The following GRN variants were observed in gnomAD, a reference collection of about 807,000 sequenced individuals.
GRN encodes the protein granulin precursor.
A neutral mutation model predicts 66.7 loss-of-function variants in GRN; 30 were observed. That is an observed-to-expected ratio of 0.45 (90% confidence interval 0.34 to 0.61). The LOEUF is 0.61. GRN is among the 20% of genes least tolerant of loss of function. GRN has a pLI of 0.01. For missense variants in GRN, 731 were observed against 803.5 expected (o/e 0.91, Z 1.09); for synonymous variants, 327 against 311.1 (o/e 1.05, Z -0.54).
intron 6 of GRN, 38 bp downstream of exon 6, chr17:44,350,615 C>A: frequency 6.2e-7 from 1 of 1,612,214 alleles, no homozygotes; most frequent in Non-Finnish European, 8.5e-7. Flanking sequence ...GGGGCTGGGG[C>A]GGGGCCTCAT....
At chr17:44,351,320 C>T in intron 8 of GRN, 43 bp from the exon 9 acceptor site, 1 of 1,544,610 alleles carries the variant, frequency 6.5e-7, no homozygotes, top group Non-Finnish European at 9.0e-7. Flanking sequence ...CCCTGAGGGT[C>T]CCCAGTGCCA....
chr17:44,350,829 T>C (rs1314025465), intron 7 of GRN, 29 bp downstream of exon 7: 3 of 1,558,076 alleles, frequency 1.9e-6, no homozygotes, highest in African/African-American at 1.4e-5. Flanking sequence ...CCAGCTTGGC[T>C]GTGTGCCCCC....
Position 44,351,348 on chromosome 17 carries a change from C to T in GRN, c.836-15C>T, listed in dbSNP as rs1203102118. The T allele has an allele frequency of 6.2e-7, 1 of 1,601,918 alleles. No homozygotes were observed. On this transcript the variant is annotated splice_polypyrimidine_tract_variant and intron_variant, in intron 8 of 12. Transcript: ENST00000053867. ...CAGTGCCACTTCTGACCTGTCCTCT[C>T]TGCTTCCCTCACAGTGGGGGATGTG...
At position 44,352,501 on chromosome 17, in the gene GRN, A is replaced by G; in HGVS notation, c.1574A>G (p.His525Arg). 1 of 1,613,090 alleles carries G rather than the reference A, an allele frequency of 6.2e-7. No homozygotes were observed. The highest frequency in any genetic ancestry group is 8.5e-7 in the Non-Finnish European group (1 of 1,179,748). The change falls in exon 12 of 13, where the codon CAC (histidine) becomes CGC (arginine). Residue 525 changes from histidine (H) to arginine (R), a missense_variant. By Grantham distance (29) the His-to-Arg change is conservative. Around this residue, in one of 3 missense-constraint regions of GRN, gnomAD observed 319 missense variants for 347.2 expected, o/e 0.92. Transcript: ENST00000053867. ...GVKDVECGEG[H>R]FCHDNQTCCR... ...AAGGACGTGGAGTGTGGGGAAGGAC[A>G]CTTCTGCCATGATAACCAGACCTGC...
In GRN at chr17:44,352,819, G is replaced by C; in HGVS notation, c.*21G>C. The C allele has an allele frequency of 6.2e-7, 1 of 1,608,406 alleles. No homozygotes were observed. Among genetic ancestry groups the C allele is most frequent in the East Asian group, 2.2e-5 (1 of 44,880 alleles). On this transcript the variant is annotated 3_prime_UTR_variant, in exon 13 of 13. Transcript: ENST00000053867. ...TGTGAGGGACAGTACTGAAGACTCT[G>C]CAGCCCTCGGGACCCCACTCGGAGG...
chr17:44,352,415 GA>G lies in GRN; in HGVS notation c.1490del (p.Lys497ArgfsTer20). 6.2e-7 allele frequency: 1 copy of G among 1,614,074 alleles called. No homozygotes were observed. The highest frequency in any genetic ancestry group is 8.5e-7 in the Non-Finnish European group (1 of 1,180,016). On this transcript the variant is annotated frameshift_variant, in exon 12 of 13. Transcript: ENST00000053867. LOFTEE classifies it high-confidence loss of function. ...TCNVKARSCE[K>X]EVVSAQPATF... ...GCAACGTGAAGGCTCGATCCTGCGA[GA>G]AGGAAGTGGTCTCTGCCCAGCCTGC...
rs765761482 is a variant in GRN at position 44,351,801 on chromosome 17, T to C, written c.1179+6T>C. 9 of 1,612,552 alleles carry C rather than the reference T, an allele frequency of 5.6e-6. No individual in the cohort carries two copies. Among genetic ancestry groups the C allele is most frequent in the African/African-American group, 1.3e-5 (1 of 75,008 alleles). Reference sequence around the variant, plus strand: ...GCTGCTGTCCAATCCCAGAGGTATATGGGAGGGGACAGCATCTTGGCCTGG... The same window carrying C: ...GCTGCTGTCCAATCCCAGAGGTATACGGGAGGGGACAGCATCTTGGCCTGG... On this transcript the variant is annotated splice_donor_region_variant and intron_variant, in intron 10 of 12. Coordinates refer to ENST00000053867, the MANE Select transcript of GRN (RefSeq NM_002087.4).
rs756396367 is a variant in GRN at position 44,351,546 on chromosome 17, C to T, written c.934-4C>T. ...GCCCACCTGCCCTTCTTCATCTGCC[C>T]TAGGCTGTGTGCTGTGAGGACCACA... is the stretch of plus-strand genomic sequence containing the variant. On this transcript the variant is annotated splice_polypyrimidine_tract_variant and splice_region_variant and intron_variant, in intron 9 of 12. Coordinates refer to ENST00000053867, the MANE Select transcript of GRN (RefSeq NM_002087.4). 1.9e-6 allele frequency: 3 copies of T among 1,614,050 alleles called. No homozygotes were observed. The highest frequency in any genetic ancestry group is 2.5e-6 in the Non-Finnish European group (3 of 1,179,996).
chr17:44,350,509 G>A lies in GRN; in HGVS notation c.530G>A (p.Arg177His), dbSNP rs753441122. 26 of 1,613,714 alleles carry A rather than the reference G, an allele frequency of 1.6e-5. No homozygotes were observed. The highest frequency in any genetic ancestry group is 8.9e-5 in the East Asian group (4 of 44,886). Reference sequence around the variant, plus strand: ...GCCTTCTGCGACCTGGTTCACACCCGCTGCATCACACCCACGGGCACCCAC... The same window carrying A: ...GCCTTCTGCGACCTGGTTCACACCCACTGCATCACACCCACGGGCACCCAC... ...HGAFCDLVHT[R>H]CITPTGTHPL... Residue 177 changes from arginine (R) to histidine (H), a missense_variant, in exon 6 of 13, where the codon CGC (arginine) becomes CAC (histidine). Coordinates refer to ENST00000053867, the MANE Select transcript of GRN (RefSeq NM_002087.4).
intron 1 of GRN, among the ~76,000 whole-genome samples, chr17:44,347,824 C>T (rs1046148151): frequency 4.0e-5 from 6 of 151,276 alleles, no homozygotes; most frequent in East Asian, 2.0e-4. Context: ...TGGTGGCGAG[C>T]GCCTGTAGTC....
chr17:44,352,965 G>A lies in GRN; in HGVS notation c.*167G>A, dbSNP rs1363555071. 2 of 695,806 alleles carry A rather than the reference G, an allele frequency of 2.9e-6. No homozygotes were observed. Among genetic ancestry groups the A allele is most frequent in the East Asian group, 2.7e-5 (1 of 36,862 alleles). The allele number at this position is 695,806 out of a possible 1,614,324, so 43.1% of individuals were successfully genotyped here. On this transcript the variant is annotated 3_prime_UTR_variant, in exon 13 of 13. Coordinates refer to ENST00000053867, the MANE Select transcript of GRN (RefSeq NM_002087.4). ...AATCTAAGGCCTTCCCTGTCAGAAG[G>A]GGGTTGTGGCAAAAGCCACATTACA...
At chr17:44,351,002 G>A in intron 7 of GRN, 35 bp from the exon 8 acceptor site, 1 of 1,610,456 alleles carries the variant, frequency 6.2e-7, no homozygotes, top group Non-Finnish European at 8.5e-7. Flanking sequence ...TACTGAGCCT[G>A]GAAGTGACAA....
intron 1 of GRN, among the ~76,000 whole-genome samples, chr17:44,348,357 GTC>G (rs1259522539): frequency 1.3e-5 from 2 of 152,166 alleles, no homozygotes; most frequent in African/African-American, 4.8e-5. Flanking sequence ...GGCACACGTG[GTC>G]TCTCTCCACA....
In GRN at chr17:44,351,761, C is replaced by T. The variant is rs768333369; in HGVS notation, c.1145C>T (p.Thr382Met). The T allele has an allele frequency of 4.3e-5, 70 of 1,613,458 alleles. No individual in the cohort carries two copies. The Admixed American group carries it at 1.1e-3, about 25-fold the overall frequency. ...CPSSDTCCQL[T>M]SGEWGCCPIP... ...TCCTCCGATACCTGCTGCCAACTCA[C>T]GTCTGGGGAGTGGGGCTGCTGTCCA... Residue 382 changes from threonine to methionine, a missense_variant, in exon 10 of 13, where the codon ACG becomes ATG. Physicochemically the swap from Thr to Met is moderately conservative, Grantham distance 81. Coordinates refer to ENST00000053867, the MANE Select transcript of GRN (RefSeq NM_002087.4).
At chr17:44,349,361 T>G (rs747954585) in intron 2 of GRN, 59 bp downstream of exon 2, 1 of 1,614,142 alleles carries the variant, frequency 6.2e-7, no homozygotes, top group South Asian at 1.1e-5. Context: ...AAGGGTCATC[T>G]TGGATTGGCC....
intron 1 of GRN, among the ~76,000 whole-genome samples, chr17:44,348,203 A>G (rs115607741): frequency 0.02 from 3,097 of 152,276 alleles, 106 homozygotes; most frequent in African/African-American, 0.071. Flanking sequence ...TTGCTTCTTC[A>G]TTATGAGTTA....
In GRN at chr17:44,352,367, C is replaced by T. The variant is rs548359884; in HGVS notation, c.1440C>T (p.His480=). 6.2e-7 allele frequency: 1 copy of T among 1,613,678 alleles called. No individual in the cohort carries two copies. The highest frequency in any genetic ancestry group is 2.2e-5 in the East Asian group (1 of 44,888). The change falls in exon 12 of 13, where the codon CAC becomes CAT. Residue 480 remains histidine (H), a synonymous_variant. Coordinates refer to ENST00000053867, the MANE Select transcript of GRN (RefSeq NM_002087.4). ...PHAVCCEDRQ[H]CCPAGYTCNV... ...CTGTGTGCTGCGAGGATCGCCAGCA[C>T]TGCTGCCCGGCTGGCTACACCTGCA...
At position 44,352,339 on chromosome 17, in the gene GRN, A is replaced by T; in HGVS notation, c.1414-2A>T. The T allele has an allele frequency of 6.2e-7, 1 of 1,612,542 alleles. No individual in the cohort carries two copies. Among genetic ancestry groups the T allele is most frequent in the South Asian group, 1.1e-5 (1 of 91,082 alleles). On this transcript the variant is annotated splice_acceptor_variant, in intron 11 of 12. Coordinates refer to ENST00000053867, the MANE Select transcript of GRN (RefSeq NM_002087.4). LOFTEE classifies it high-confidence loss of function. Reference sequence around the variant, plus strand: ...GCCATTCTGTGCTCCCTTCCCCGCCAGGCTGTGTGCTGCGAGGATCGCCAG... The same window carrying T: ...GCCATTCTGTGCTCCCTTCCCCGCCTGGCTGTGTGCTGCGAGGATCGCCAG...
rs606231221 is a variant in GRN, at chr17:44,351,164, G to A, written c.835+1G>A. 2 of 1,614,136 alleles carry A rather than the reference G, an allele frequency of 1.2e-6. No individual in the cohort carries two copies. The highest frequency in any genetic ancestry group is 1.7e-6 in the Non-Finnish European group (2 of 1,179,992). ...CTCACTAAGCTGCCTGCGCACACAG[G>A]TACCAGAGGCAGGGTGCAGATACAG... On this transcript the variant is annotated splice_donor_variant, in intron 8 of 12. Transcript: ENST00000053867. LOFTEE classifies it high-confidence loss of function.
Sources: gnomAD v4.1 joint callset for allele counts (sites outside exome capture counted in the v4.1 genomes callset) on GRCh38, gnomAD v4.1.1 for gene constraint, gnomAD v4.1.1 regional missense constraint, MANE v1.5 for transcripts, NCBI Gene and HGNC (gene_info 2026-07-23, HGNC 2026-07-21) for gene names.